SORCS1: variants seen among roughly 807,000 people sequenced by gnomAD.
The protein encoded by SORCS1 is VPS10 domain-containing receptor SorCS1.
A neutral mutation model predicts 146.1 loss-of-function variants in SORCS1; 60 were observed. The ratio of observed to expected loss-of-function variants is 0.41; its 90% CI spans 0.33 to 0.51. The LOEUF (loss-of-function observed/expected upper bound fraction) is 0.51, where lower values mean the gene tolerates loss of function less well. Ranked by LOEUF, SORCS1 falls within the 20% of genes least tolerant of loss-of-function variation. The pLI is 0.21. For missense variants in SORCS1, 1,352 were observed against 1,487.6 expected, an observed-to-expected ratio of 0.91 and a Z score of 1.50; for synonymous variants, 637 against 584.0, an observed-to-expected ratio of 1.09 and a Z score of -1.31.
At chr10:106,876,730 G>C (rs1026855211) in intron 2 of SORCS1, among the ~76,000 whole-genome samples, 2 of 152,170 alleles carry the variant, frequency 1.3e-5, no homozygotes, top group African/African-American at 4.8e-5. Context: ...TGGGAAAGAA[G>C]TCTCCAGGAC....
chr10:106,600,302 G>T, intron 23 of SORCS1: 1 of 963,648 alleles, frequency 1.0e-6, no homozygotes, highest in Non-Finnish European at 1.2e-6. Flanking sequence ...TTTTAAGAAG[G>T]AAATTTAAAT....
At chr10:107,042,377 C>T (rs1001807583) in intron 1 of SORCS1, among the ~76,000 whole-genome samples, 2 of 152,208 alleles carry the variant, frequency 1.3e-5, no homozygotes, top group African/African-American at 2.4e-5. Flanking sequence ...AGACTCACAT[C>T]ATCTAGATTT....
At chr10:106,823,045 A>G (rs1199699140) in intron 3 of SORCS1, among the ~76,000 whole-genome samples, 1 of 152,022 alleles carries the variant, frequency 6.6e-6, no homozygotes, top group Admixed American at 6.6e-5. Context: ...GGCCTCTCAA[A>G]GTGGTGGGAT....
chr10:106,730,929 G>A (rs189466954), intron 5 of SORCS1, among the ~76,000 whole-genome samples: 41 of 152,124 alleles, frequency 2.7e-4, no homozygotes, highest in African/African-American at 3.6e-4. Flanking sequence ...AGAAAACAGC[G>A]AAATGCCTCC....
chr10:107,063,925 T>C (rs1961484904), intron 1 of SORCS1, among the ~76,000 whole-genome samples: 1 of 152,182 alleles, frequency 6.6e-6, no homozygotes, highest in Non-Finnish European at 1.5e-5. Context: ...TTGAAATGAA[T>C]GTAGAATGGG....
intron 2 of SORCS1, among the ~76,000 whole-genome samples, chr10:106,931,045 G>A (rs1953391517): frequency 6.6e-6 from 1 of 152,078 alleles, no homozygotes; most frequent in Non-Finnish European, 1.5e-5. Flanking sequence ...GTGTGATTCT[G>A]GAAAAACCAC....
intron 2 of SORCS1, among the ~76,000 whole-genome samples, chr10:106,862,660 G>C (rs1251336029): frequency 6.6e-6 from 1 of 151,572 alleles, no homozygotes; most frequent in African/African-American, 2.4e-5. Context: ...ATAATAAAAA[G>C]TTTGGCTGGG....
At chr10:106,738,227 C>A (rs963350984) in intron 5 of SORCS1, among the ~76,000 whole-genome samples, 11 of 152,186 alleles carry the variant, frequency 7.2e-5, no homozygotes, top group Admixed American at 3.9e-4. Flanking sequence ...AATTTAAGAA[C>A]TTTTATAAGG....
At chr10:106,895,605 T>C (rs1951442772) in intron 2 of SORCS1, among the ~76,000 whole-genome samples, 1 of 152,174 alleles carries the variant, frequency 6.6e-6, no homozygotes, top group African/African-American at 2.4e-5. Flanking sequence ...AGTAAGACTC[T>C]GTCTCAAAAA....
intron 5 of SORCS1, among the ~76,000 whole-genome samples, chr10:106,744,349 C>T (rs568216203): frequency 1.1e-3 from 170 of 152,264 alleles, no homozygotes; most frequent in Non-Finnish European, 2.1e-3. Context: ...TCGTGATCCG[C>T]CCACCTCGGC....
chr10:106,679,583 T>C (rs1363843652), intron 11 of SORCS1, 49 bp downstream of exon 11: 1 of 1,463,426 alleles, frequency 6.8e-7, no homozygotes, highest in Non-Finnish European at 9.4e-7. Flanking sequence ...TCTAGCTTCT[T>C]AAAATAAACA....
At chr10:106,838,342 A>C (rs1254626475) in intron 2 of SORCS1, among the ~76,000 whole-genome samples, 3 of 152,220 alleles carry the variant, frequency 2.0e-5, no homozygotes, top group African/African-American at 7.2e-5. Context: ...GTTCTCATAT[A>C]GCCCATCCCT....
chr10:107,081,646 C>T (rs1298609589), intron 1 of SORCS1, among the ~76,000 whole-genome samples: 1 of 151,896 alleles, frequency 6.6e-6, no homozygotes, highest in African/African-American at 2.4e-5. Context: ...ATAAATGCAG[C>T]AGATTTTTGA....
At chr10:106,612,483 C>T (rs531095297) in intron 21 of SORCS1, among the ~76,000 whole-genome samples, 107 of 147,600 alleles carry the variant, frequency 7.2e-4, no homozygotes, top group Admixed American at 1.4e-3. Context: ...ATTGGTTTGA[C>T]CAGGCATGTC....
Position 106,709,145 on chromosome 10 carries a change from G to C in SORCS1, c.1143+78C>G, listed in dbSNP as rs76283265. ...TCCTCTCTTTTTGACTCTTAATGGA[G>C]TGTAAAGCAGGCAAAAGGGACAGAA... On this transcript the variant is annotated intron_variant, in intron 7 of 25. Transcript: ENST00000263054. 112 of 1,100,288 alleles carry C rather than the reference G, an allele frequency of 1.0e-4. 1 individual carries two copies. In the African/African-American group the frequency reaches 1.5e-3, roughly 15 times the overall value. 68.2% of individuals were successfully genotyped at this position (1,100,288 alleles called of 1,614,324 possible).
At chr10:107,130,270 T>A (rs1966852983) in intron 1 of SORCS1, among the ~76,000 whole-genome samples, 1 of 152,214 alleles carries the variant, frequency 6.6e-6, no homozygotes, top group Non-Finnish European at 1.5e-5. Flanking sequence ...AGGTTTCTCA[T>A]CTTATGGCTA....
intron 4 of SORCS1, among the ~76,000 whole-genome samples, chr10:106,765,392 C>A (rs1859491890): frequency 6.6e-6 from 1 of 151,516 alleles, no homozygotes; most frequent in Non-Finnish European, 1.5e-5. Flanking sequence ...TTTAAGACAT[C>A]TTTCACATTG....
chr10:107,102,695 T>C (rs1965011236), intron 1 of SORCS1, among the ~76,000 whole-genome samples: 1 of 152,150 alleles, frequency 6.6e-6, no homozygotes, highest in African/African-American at 2.4e-5. Context: ...AGCGATAAAC[T>C]GTGGTTCTTC....
intron 1 of SORCS1, among the ~76,000 whole-genome samples, chr10:107,150,397 C>T (rs890473528): frequency 2.6e-5 from 4 of 152,162 alleles, no homozygotes; most frequent in African/African-American, 9.7e-5. Flanking sequence ...TACATGAACC[C>T]CTTCCACTCC....
Sources: gnomAD v4.1 joint callset for allele counts (sites outside exome capture counted in the v4.1 genomes callset) on GRCh38, gnomAD v4.1.1 for gene constraint, MANE v1.5 for transcripts, NCBI Gene and HGNC (gene_info 2026-07-23, HGNC 2026-07-21) for gene names.